The following DNAH11 variants were observed in gnomAD, a reference collection of about 807,000 sequenced individuals.
DNAH11 encodes the protein dynein axonemal heavy chain 11.
In DNAH11, 442 loss-of-function variants were observed where a neutral mutation model predicts 526.0. That is an observed-to-expected ratio of 0.84 (90% confidence interval 0.78 to 0.91). DNAH11 has a LOEUF of 0.91. Among genes scored for constraint, DNAH11 ranks in the 40% least tolerant of loss-of-function variants. The pLI is 0.00. For synonymous variants in DNAH11, 2,461 were observed against 1,935.9 expected (o/e 1.27, Z -7.12); for missense variants, 6,989 against 5,448.7 (o/e 1.28, Z -8.90).
At chr7:21,658,460 G>C (rs10480009) in intron 29 of DNAH11, among the ~76,000 whole-genome samples, 1 of 152,232 alleles carries the variant, frequency 6.6e-6, no homozygotes, top group East Asian at 1.9e-4. Flanking sequence ...TGTGTTACCA[G>C]AGGGGAATCT....
At position 21,591,560 on chromosome 7, in the gene DNAH11, A is replaced by C; in HGVS notation, c.2650A>C (p.Ile884Leu). The C allele has an allele frequency of 6.4e-7, 1 of 1,572,404 alleles. No individual in the cohort carries two copies. The highest frequency in any genetic ancestry group is 8.7e-7 in the Non-Finnish European group (1 of 1,155,404). Residue 884 changes from isoleucine to leucine, a missense_variant, in exon 14 of 82, where the codon ATC becomes CTC. Ile to Leu is a conservative substitution (Grantham distance 5). Coordinates refer to ENST00000409508, the MANE Select transcript of DNAH11 (RefSeq NM_001277115.2). ...GTTAATCCAAGGAGATGGCTGCAAG[A>C]TCCACAACTTGGTCGAGGTAATGGC... ...YKLIQGDGCK[I>L]HNLVEENRKL...
intron 42 of DNAH11, among the ~76,000 whole-genome samples, chr7:21,715,985 T>C (rs1784648307): frequency 6.6e-6 from 1 of 152,004 alleles, no homozygotes; most frequent in Non-Finnish European, 1.5e-5. Context: ...AAGCATCATT[T>C]GCTAGTGGGA....
intron 52 of DNAH11, among the ~76,000 whole-genome samples, chr7:21,749,143 GAGA>G (rs2128492747): frequency 6.6e-6 from 1 of 152,256 alleles, no homozygotes; most frequent in East Asian, 1.9e-4. Flanking sequence ...ATAAGAACAG[GAGA>G]AGAAGATGCA....
chr7:21,732,039 G>C (rs1785409689), intron 45 of DNAH11, among the ~76,000 whole-genome samples: 2 of 152,184 alleles, frequency 1.3e-5, no homozygotes, highest in South Asian at 4.1e-4. Flanking sequence ...TGTGGTTTCA[G>C]GCATTCCCTG....
chr7:21,867,763 T>A (rs1159846624), intron 71 of DNAH11, 96 bp from the exon 72 acceptor site: 43 of 1,166,508 alleles, frequency 3.7e-5, no homozygotes, highest in Non-Finnish European at 5.2e-5. Flanking sequence ...CCTGGTTACT[T>A]CTATCGTGTG....
intron 20 of DNAH11, among the ~76,000 whole-genome samples, chr7:21,613,902 G>C (rs986645484): frequency 6.6e-6 from 1 of 151,564 alleles, no homozygotes; most frequent in African/African-American, 2.4e-5. Context: ...CGAGTAACTG[G>C]GACTATAGGC....
At chr7:21,668,250 T>C (rs1463123772) in intron 30 of DNAH11, among the ~76,000 whole-genome samples, 2 of 152,146 alleles carry the variant, frequency 1.3e-5, no homozygotes, top group Non-Finnish European at 1.5e-5. Context: ...GTTCCAGATA[T>C]ATTTTTATAG....
intron 61 of DNAH11, among the ~76,000 whole-genome samples, chr7:21,792,987 T>C (rs1788541001): frequency 6.6e-6 from 1 of 152,192 alleles, no homozygotes; most frequent in African/African-American, 2.4e-5. Context: ...ATGTTGTTTA[T>C]TTTTCTATGT....
chr7:21,803,886 G>A (rs1293561352), intron 62 of DNAH11, among the ~76,000 whole-genome samples: 4 of 151,896 alleles, frequency 2.6e-5, no homozygotes, highest in Non-Finnish European at 5.9e-5. Flanking sequence ...CTGGAAAAGT[G>A]GGGAATGGGG....
chr7:21,648,297 C>T (rs1183250550), intron 28 of DNAH11, among the ~76,000 whole-genome samples: 1 of 152,176 alleles, frequency 6.6e-6, no homozygotes. Context: ...TTCCTGTATC[C>T]ATGCCCTTTG....
chr7:21,717,219 CA>C (rs1304299895), intron 42 of DNAH11, among the ~76,000 whole-genome samples: 2 of 151,910 alleles, frequency 1.3e-5, no homozygotes, highest in African/African-American at 2.4e-5. Context: ...CACACACACA[CA>C]CCCCAGCACC....
intron 24 of DNAH11, 38 bp downstream of exon 24, chr7:21,619,260 A>G: frequency 1.3e-6 from 2 of 1,592,232 alleles, no homozygotes; most frequent in Non-Finnish European, 1.7e-6. Context: ...TACTTGGCTA[A>G]TTTTGGGTAT....
chr7:21,687,948 G>T (rs1229231552), intron 34 of DNAH11, among the ~76,000 whole-genome samples: 1 of 152,080 alleles, frequency 6.6e-6, no homozygotes, highest in Admixed American at 6.6e-5. Context: ...TGTAGTCCCA[G>T]TTATTTTTGA....
At chr7:21,708,157 G>A (rs1401589862) in intron 40 of DNAH11, among the ~76,000 whole-genome samples, 1 of 152,206 alleles carries the variant, frequency 6.6e-6, no homozygotes, top group African/African-American at 2.4e-5. Context: ...ATGAGGCACT[G>A]AAGTTCAGGC....
At chr7:21,780,004 A>G (rs984811203) in intron 57 of DNAH11, among the ~76,000 whole-genome samples, 1 of 143,814 alleles carries the variant, frequency 7.0e-6, no homozygotes, top group Non-Finnish European at 1.5e-5. Flanking sequence ...GTTGCCATTC[A>G]TATACAATTG....
chr7:21,764,306 G>T (rs998105267), intron 54 of DNAH11, among the ~76,000 whole-genome samples: 1 of 152,120 alleles, frequency 6.6e-6, no homozygotes, highest in Admixed American at 6.5e-5. Context: ...GTGCACGTAT[G>T]CTGGAATTTT....
At chr7:21,788,319 G>C (rs147342135) in intron 60 of DNAH11, among the ~76,000 whole-genome samples, 1 of 152,124 alleles carries the variant, frequency 6.6e-6, no homozygotes, top group Admixed American at 6.6e-5. Context: ...ATAAAGCCAG[G>C]TTATTTCCTT....
rs112381866 is a variant in DNAH11, at chr7:21,819,172, T to C, written c.10691+833T>C. On this transcript the variant is annotated intron_variant, in intron 65 of 81. Transcript: ENST00000409508. Reference sequence around the variant, plus strand: ...GAGTTTCCTTCCCTCTCTTCTTTTTTTCTTCAAAGATATATAATTTCAGAA... The same window carrying C: ...GAGTTTCCTTCCCTCTCTTCTTTTTCTCTTCAAAGATATATAATTTCAGAA... Among the ~76,000 whole-genome samples, 297 of 152,264 alleles carry C rather than the reference T, an allele frequency of 2.0e-3. 2 individuals are homozygous for C. Among genetic ancestry groups the C allele is most frequent in the African/African-American group, 6.9e-3 (287 of 41,546 alleles).
chr7:21,820,581 G>A (rs940683822), intron 65 of DNAH11, among the ~76,000 whole-genome samples: 12 of 152,138 alleles, frequency 7.9e-5, no homozygotes, highest in Admixed American at 2.6e-4. Flanking sequence ...CAAATGGGTG[G>A]AGAGTCTGTG....
Sources: gnomAD v4.1 joint callset for allele counts (sites outside exome capture counted in the v4.1 genomes callset) on GRCh38, gnomAD v4.1.1 for gene constraint, MANE v1.5 for transcripts, NCBI Gene and HGNC (gene_info 2026-07-23, HGNC 2026-07-21) for gene names.